The following MARCHF4 variants were observed in gnomAD, a reference collection of about 807,000 sequenced individuals.
The protein encoded by MARCHF4 is membrane associated ring-CH-type finger 4, also known as E3 ubiquitin-protein ligase MARCHF4.
Under a neutral mutation model 43.9 loss-of-function variants are expected in MARCHF4, and 14 were observed. The ratio of observed to expected loss-of-function variants is 0.32; its 90% confidence interval spans 0.21 to 0.50. The LOEUF (loss-of-function observed/expected upper bound fraction) is 0.50. MARCHF4 is among the 20% of genes least tolerant of loss of function. MARCHF4 has a pLI of 0.98. For synonymous variants in MARCHF4, 226 were observed against 213.3 expected, an observed-to-expected ratio of 1.06 and a Z score of -0.52; for missense variants, 468 against 536.7, an observed-to-expected ratio of 0.87 and a Z score of 1.27.
chr2:216,361,689 A>G (rs1692581933), intron 1 of MARCHF4, among the ~76,000 whole-genome samples: 2 of 152,206 alleles, frequency 1.3e-5, no homozygotes, highest in East Asian at 1.9e-4. Flanking sequence ...AAAATGTGCT[A>G]AACAGAGGCT....
intron 1 of MARCHF4, among the ~76,000 whole-genome samples, chr2:216,302,897 CAAAAAAAAAAAAAAA>C (rs201503998): frequency 4.3e-4 from 34 of 78,312 alleles, no homozygotes; most frequent in South Asian, 8.7e-4. Context: ...GACTCTGTAT[CAAAAAAAAAAAAAAA>C]AAAAAAAAAA....
rs1382016494 is a variant in MARCHF4, at chr2:216,325,414, C to G, written c.517-41685G>C. Among the ~76,000 whole-genome samples the G allele has an allele frequency of 3.3e-5, 5 of 152,178 alleles. No individual in the cohort carries two copies. The East Asian group carries it at 9.6e-4, about 29-fold the overall frequency. On this transcript the variant is annotated intron_variant, in intron 1 of 3. Transcript: ENST00000273067. Reference sequence around the variant, plus strand: ...CCCAAGGTAATTTACAGATTCAATGCTATCTCCATCAAGCTACCAATGACT... The same window carrying G: ...CCCAAGGTAATTTACAGATTCAATGGTATCTCCATCAAGCTACCAATGACT...
chr2:216,337,310 T>C (rs1251513445), intron 1 of MARCHF4, among the ~76,000 whole-genome samples: 1 of 152,232 alleles, frequency 6.6e-6, no homozygotes, highest in African/African-American at 2.4e-5. Flanking sequence ...AGCGGACTGT[T>C]ATGAAGCTTT....
rs541728916 is a variant in MARCHF4, at chr2:216,282,910, C to T, written c.672+664G>A. ...TCCCTCTCCTGTTTCTTCTGTTTTT[C>T]CCTCTGTCCCTTGCCATTGGAAGTG... On this transcript the variant is annotated intron_variant, in intron 2 of 3. Transcript: ENST00000273067. Among the ~76,000 whole-genome samples, 5 of 152,248 alleles carry T rather than the reference C, an allele frequency of 3.3e-5. No individual in the cohort carries two copies. In the East Asian group the frequency reaches 9.6e-4, roughly 29 times the overall value.
intron 1 of MARCHF4, among the ~76,000 whole-genome samples, chr2:216,297,657 G>T (rs557398995): frequency 3.9e-5 from 6 of 152,352 alleles, no homozygotes; most frequent in African/African-American, 1.4e-4. Context: ...GGGATTACAG[G>T]CATGTGCCAC....
intron 1 of MARCHF4, among the ~76,000 whole-genome samples, chr2:216,320,931 G>A (rs1269058965): frequency 3.4e-5 from 5 of 147,962 alleles, no homozygotes; most frequent in Non-Finnish European, 5.9e-5. Flanking sequence ...CACCTGCCTC[G>A]GCCTCCCAAA....
chr2:216,275,856 T>G (rs1209174097), intron 3 of MARCHF4, among the ~76,000 whole-genome samples: 1 of 152,072 alleles, frequency 6.6e-6, no homozygotes, highest in Non-Finnish European at 1.5e-5. Flanking sequence ...GCATTGCAAG[T>G]TTCCACCAAG....
chr2:216,335,792 G>A (rs1160998654), intron 1 of MARCHF4, among the ~76,000 whole-genome samples: 2 of 152,104 alleles, frequency 1.3e-5, no homozygotes, highest in African/African-American at 2.4e-5. Context: ...GGAAAGCCAA[G>A]CACAGTGGCT....
chr2:216,321,970 G>A (rs1311152564), intron 1 of MARCHF4, among the ~76,000 whole-genome samples: 2 of 152,144 alleles, frequency 1.3e-5, no homozygotes, highest in East Asian at 1.9e-4. Context: ...TGAACAACCT[G>A]AACATCCACA....
chr2:216,353,162 A>T lies in MARCHF4; in HGVS notation c.516+16583T>A, dbSNP rs147392736. On this transcript the variant is annotated intron_variant, in intron 1 of 3. Transcript: ENST00000273067. Reference sequence around the variant, plus strand: ...CACTTCAACATAAAAAAAAAAATTGAGGCGATGTTCAAATGCACTGCCAAG... The same window carrying T: ...CACTTCAACATAAAAAAAAAAATTGTGGCGATGTTCAAATGCACTGCCAAG... 3.2e-3 allele frequency among the ~76,000 whole-genome samples: 482 copies of T among 152,290 alleles called. 8 individuals are homozygous for T. The highest frequency in any genetic ancestry group is 1.7e-3 in the Non-Finnish European group (114 of 68,026).
At chr2:216,313,159 T>G (rs1691717198) in intron 1 of MARCHF4, among the ~76,000 whole-genome samples, 1 of 152,206 alleles carries the variant, frequency 6.6e-6, no homozygotes, top group Non-Finnish European at 1.5e-5. Context: ...TTGTTTATTT[T>G]TGTCAAGTTT....
chr2:216,350,034 T>C (rs1384565646), intron 1 of MARCHF4, among the ~76,000 whole-genome samples: 1 of 152,094 alleles, frequency 6.6e-6, no homozygotes, highest in South Asian at 2.1e-4. Context: ...AGTGGATTTC[T>C]TTCACCTGCC....
In MARCHF4 at chr2:216,370,508, C is replaced by A; in HGVS notation, c.-248G>T. ...GTTTTTCTTGCCCTCACACACCCAC[C>A]CCAACCTCCAACTTTGTTCAGTGTG... On this transcript the variant is annotated 5_prime_UTR_variant, in exon 1 of 4. Transcript: ENST00000273067. 2.4e-6 allele frequency: 1 copy of A among 420,924 alleles called. No homozygotes were observed. Among genetic ancestry groups the A allele is most frequent in the Admixed American group, 4.0e-5 (1 of 25,286 alleles). 26.1% of individuals were successfully genotyped at this position (420,924 alleles called of 1,614,324 possible). A position where few individuals can be genotyped will look rare whatever the true frequency, so the allele number is the denominator to read the frequency against.
intron 1 of MARCHF4, among the ~76,000 whole-genome samples, chr2:216,337,146 C>T (rs899929929): frequency 2.7e-5 from 4 of 149,206 alleles, no homozygotes; most frequent in African/African-American, 7.4e-5. Flanking sequence ...AGCAAGACTC[C>T]CTCTTGAAAA....
At chr2:216,333,056 A>T (rs1351864645) in intron 1 of MARCHF4, among the ~76,000 whole-genome samples, 1 of 152,254 alleles carries the variant, frequency 6.6e-6, no homozygotes, top group African/African-American at 2.4e-5. Flanking sequence ...TAACTCTTCT[A>T]GAAGAAAACA....
Position 216,317,149 on chromosome 2 carries a change from C to T in MARCHF4, c.517-33420G>A, listed in dbSNP as rs143332801. On this transcript the variant is annotated intron_variant, in intron 1 of 3. Coordinates refer to ENST00000273067, the MANE Select transcript of MARCHF4 (RefSeq NM_020814.3). ...CCCCAAAGCCATACTCTTTCATTGGCGTCTTTATAGAGGACCTGCTCTCCA... is the reference window on the plus strand; with the variant it reads ...CCCCAAAGCCATACTCTTTCATTGGTGTCTTTATAGAGGACCTGCTCTCCA... Among the ~76,000 whole-genome samples, 1,430 of 152,262 alleles carry T rather than the reference C, an allele frequency of 9.4e-3. 14 individuals carry two copies. The highest frequency in any genetic ancestry group is 0.013 in the Non-Finnish European group (861 of 68,012).
chr2:216,272,997 T>A (rs776384881), intron 3 of MARCHF4, among the ~76,000 whole-genome samples: 3 of 152,198 alleles, frequency 2.0e-5, no homozygotes, highest in African/African-American at 7.2e-5. Context: ...AGTCTTCTCA[T>A]TGACTGCTAA....
At chr2:216,358,676 C>T (rs1692535899) in intron 1 of MARCHF4, among the ~76,000 whole-genome samples, 2 of 152,174 alleles carry the variant, frequency 1.3e-5, no homozygotes. Flanking sequence ...TCATTCACTC[C>T]CTCTACCTTT....
chr2:216,316,129 G>C (rs930189438), intron 1 of MARCHF4, among the ~76,000 whole-genome samples: 1 of 152,234 alleles, frequency 6.6e-6, no homozygotes, highest in Non-Finnish European at 1.5e-5. Flanking sequence ...TGGAGGCCGA[G>C]TCACCACAGC....
Sources: gnomAD v4.1 joint callset for allele counts (sites outside exome capture counted in the v4.1 genomes callset) on GRCh38, gnomAD v4.1.1 for gene constraint, MANE v1.5 for transcripts, NCBI Gene and HGNC (gene_info 2026-07-23, HGNC 2026-07-21) for gene names.